Variants in TNRC6A observed in about 807,000 individuals in gnomAD.
The protein encoded by TNRC6A is trinucleotide repeat containing adaptor 6A.
Under a neutral mutation model 221.2 loss-of-function variants are expected in TNRC6A, and 44 were observed. The ratio of observed to expected loss-of-function variants is 0.20; its 90% CI spans 0.16 to 0.26. TNRC6A has a LOEUF of 0.26. TNRC6A is among the 10% of genes least tolerant of loss of function. The pLI is 1.00. For missense variants in TNRC6A, 2,199 were observed against 2,404.4 expected, an observed-to-expected ratio of 0.91 and a Z score of 1.79; for synonymous variants, 847 against 838.5, an observed-to-expected ratio of 1.01 and a Z score of -0.18.
At position 24,733,726 on chromosome 16, in the gene TNRC6A, A is replaced by C. The variant is rs528833888; in HGVS notation, c.53+3426A>C. 3.9e-5 allele frequency among the ~76,000 whole-genome samples: 6 copies of C among 152,300 alleles called. No individual in the cohort carries two copies. In the East Asian group the frequency reaches 7.7e-4, roughly 20 times the overall value. On this transcript the variant is annotated intron_variant, in intron 2 of 24. Coordinates refer to ENST00000395799, the MANE Select transcript of TNRC6A (RefSeq NM_014494.4). ...TGTCAGGTTGAGGAACTTGTGCATA[A>C]ATTTTTAGGTATGGGAGCTATTGCA...
chr16:24,761,787 T>C (rs545869346), intron 4 of TNRC6A, among the ~76,000 whole-genome samples: 2 of 152,290 alleles, frequency 1.3e-5, no homozygotes, highest in African/African-American at 2.4e-5. Flanking sequence ...TGCCTCAGGC[T>C]CCTGAGTAGT....
intron 11 of TNRC6A, 171 bp downstream of exon 11, chr16:24,798,137 A>T (rs2058258823): frequency 2.0e-6 from 1 of 506,914 alleles, no homozygotes; most frequent in African/African-American, 1.9e-5. Context: ...GTGCAGGACC[A>T]CTGTGCAGAT....
chr16:24,635,063 CCTTT>C (rs947566596), intron 1 of TNRC6A, among the ~76,000 whole-genome samples: 11 of 151,750 alleles, frequency 7.2e-5, no homozygotes, highest in African/African-American at 2.2e-4. Context: ...AAGTGAGTCA[CCTTT>C]CTTTCTTTTT....
chr16:24,717,840 C>T (rs1039084964), intron 2 of TNRC6A, among the ~76,000 whole-genome samples: 10 of 143,602 alleles, frequency 7.0e-5, no homozygotes, highest in Non-Finnish European at 1.2e-4. Context: ...GGTGCCACCT[C>T]GGCTCACTAC....
chr16:24,626,959 T>G (rs1901050044), intron 1 of TNRC6A, among the ~76,000 whole-genome samples: 2 of 151,834 alleles, frequency 1.3e-5, no homozygotes, highest in South Asian at 4.2e-4. Context: ...GCCTGTTTTT[T>G]TTTTTTTTTT....
At chr16:24,800,823 G>A (rs2058317016) in intron 11 of TNRC6A, among the ~76,000 whole-genome samples, 1 of 152,182 alleles carries the variant, frequency 6.6e-6, no homozygotes, top group African/African-American at 2.4e-5. Context: ...TGGAGAAGCT[G>A]CAAGGGCTGC....
At chr16:24,695,393 T>G (rs2055837500) in intron 2 of TNRC6A, among the ~76,000 whole-genome samples, 1 of 152,076 alleles carries the variant, frequency 6.6e-6, no homozygotes, top group South Asian at 2.1e-4. Flanking sequence ...TTTTTATACA[T>G]ATATATATTT....
intron 2 of TNRC6A, among the ~76,000 whole-genome samples, chr16:24,746,882 C>A (rs1247464001): frequency 1.3e-5 from 2 of 152,132 alleles, no homozygotes; most frequent in Non-Finnish European, 2.9e-5. Context: ...CCTTGATAGG[C>A]CCTTGAAATA....
intron 2 of TNRC6A, among the ~76,000 whole-genome samples, chr16:24,653,501 C>A (rs907895329): frequency 9.9e-5 from 15 of 152,212 alleles, no homozygotes; most frequent in African/African-American, 3.6e-4. Context: ...AACTGCCAGG[C>A]GCGGTGGCTC....
chr16:24,692,743 T>C (rs950995861), intron 2 of TNRC6A, among the ~76,000 whole-genome samples: 5 of 151,778 alleles, frequency 3.3e-5, no homozygotes, highest in African/African-American at 1.2e-4. Flanking sequence ...TGTGTATATA[T>C]TATACATATA....
chr16:24,691,444 G>A (rs2055754168), intron 2 of TNRC6A, among the ~76,000 whole-genome samples: 1 of 151,930 alleles, frequency 6.6e-6, no homozygotes, highest in Non-Finnish European at 1.5e-5. Context: ...AGATTCTGGA[G>A]AAAAAGGAAA....
At chr16:24,730,363 C>T (rs1025560476) in intron 2 of TNRC6A, 63 bp downstream of exon 2, 47 of 1,575,742 alleles carry the variant, frequency 3.0e-5, no homozygotes, top group Admixed American at 1.8e-4. Context: ...CTCCGATTCG[C>T]CTTTTCTGGG....
In TNRC6A at chr16:24,804,267, G is replaced by A. The variant is rs767157053; in HGVS notation, c.3785G>A (p.Arg1262Gln). The A allele has an allele frequency of 8.1e-6, 13 of 1,613,370 alleles. No homozygotes were observed. The highest frequency in any genetic ancestry group is 3.3e-5 in the South Asian group (3 of 90,946). Residue 1262 changes from arginine to glutamine, a missense_variant, in exon 12 of 25, where the codon CGG becomes CAG. Arg to Gln is a conservative substitution (Grantham distance 43). This residue lies in a region of TNRC6A where 158 missense variants were observed against 159.1 expected (regional missense o/e 0.99). Transcript: ENST00000395799. Reference protein sequence around the residue: ...NRTVGKGPGSRPQISKESSME... With the variant: ...NRTVGKGPGSQPQISKESSME... Reference sequence around the variant, plus strand: ...ACGGTCGGGAAAGGCCCTGGTTCTCGGCCTCAGATTTCCAAAGAGTCTTCC... The same window carrying A: ...ACGGTCGGGAAAGGCCCTGGTTCTCAGCCTCAGATTTCCAAAGAGTCTTCC...
Position 24,789,271 on chromosome 16 carries a change from C to G in TNRC6A, c.629C>G (p.Ser210Cys), listed in dbSNP as rs372460268. The change falls in exon 6 of 25, where the codon TCC becomes TGC. Residue 210 changes from serine (S) to cysteine (C), a missense_variant. Transcript: ENST00000395799. ...ACTTCAGGATCCCATTATGAAAATT[C>G]CCAGCGGGGACCTGTGTCTTCTACA... ...HSTSGSHYEN[S>C]QRGPVSSTSD... is the part of the protein sequence containing the mutation. 2.8e-4 allele frequency: 451 copies of G among 1,610,164 alleles called. 2 individuals carry two copies. Among genetic ancestry groups the G allele is most frequent in the South Asian group, 2.8e-3 (253 of 90,376 alleles).
At chr16:24,638,746 G>A (rs1567316067) in intron 1 of TNRC6A, among the ~76,000 whole-genome samples, 1 of 151,872 alleles carries the variant, frequency 6.6e-6, no homozygotes, top group South Asian at 2.1e-4. Context: ...CAAAACCTCA[G>A]ATGAATCCCT....
chr16:24,786,177 G>T (rs2057961209), intron 5 of TNRC6A, among the ~76,000 whole-genome samples: 1 of 152,184 alleles, frequency 6.6e-6, no homozygotes, highest in South Asian at 2.1e-4. Flanking sequence ...TGAAAAACAT[G>T]CTTTGGAGAT....
chr16:24,630,696 A>G (rs1901286979), intron 1 of TNRC6A, among the ~76,000 whole-genome samples: 2 of 152,016 alleles, frequency 1.3e-5, no homozygotes, highest in African/African-American at 4.8e-5. Context: ...TGCTGTAGGG[A>G]GCCCCACACT....
chr16:24,689,301 G>A (rs1043984658), intron 2 of TNRC6A, among the ~76,000 whole-genome samples: 3 of 152,172 alleles, frequency 2.0e-5, no homozygotes, highest in African/African-American at 4.8e-5. Flanking sequence ...CACAGCCAAC[G>A]CTTTAGGAAG....
intron 2 of TNRC6A, among the ~76,000 whole-genome samples, chr16:24,659,162 C>T (rs2054977367): frequency 6.6e-6 from 1 of 152,030 alleles, no homozygotes; most frequent in Non-Finnish European, 1.5e-5. Context: ...TTTATTCCTT[C>T]TTATTTCTTA....
Sources: gnomAD v4.1 joint callset for allele counts (sites outside exome capture counted in the v4.1 genomes callset) on GRCh38, gnomAD v4.1.1 for gene constraint, gnomAD v4.1.1 regional missense constraint, MANE v1.5 for transcripts, NCBI Gene and HGNC (gene_info 2026-07-23, HGNC 2026-07-21) for gene names.